The following MARCHF1 variants were observed in gnomAD, a reference collection of about 807,000 sequenced individuals.
MARCHF1 encodes the protein membrane associated ring-CH-type finger 1.
Under a neutral mutation model 54.2 loss-of-function variants are expected in MARCHF1, and 40 were observed. That is an observed-to-expected ratio of 0.74 (90% CI 0.57 to 0.96). The LOEUF is 0.96. MARCHF1 is among the 40% of genes least tolerant of loss of function. The pLI is 0.00. For synonymous variants in MARCHF1, 236 were observed against 236.3 expected (o/e 1.00, Z 0.01); for missense variants, 586 against 656.5 (o/e 0.89, Z 1.17).
chr4:163,545,801 C>T (rs1560933318), intron 8 of MARCHF1, 58 bp from the exon 9 acceptor site: 10 of 1,522,926 alleles, frequency 6.6e-6, no homozygotes, highest in African/African-American at 1.4e-5. Flanking sequence ...TTTTGCTCCT[C>T]TTTTATTTCC....
At chr4:163,879,202 A>T (rs891190764) in intron 3 of MARCHF1, among the ~76,000 whole-genome samples, 2 of 152,124 alleles carry the variant, frequency 1.3e-5, no homozygotes, top group African/African-American at 4.8e-5. Flanking sequence ...GAGATTGCCT[A>T]TTGAGGGGAA....
chr4:164,133,636 T>A (rs924320074), intron 1 of MARCHF1, among the ~76,000 whole-genome samples: 4 of 152,230 alleles, frequency 2.6e-5, no homozygotes, highest in African/African-American at 9.6e-5. Flanking sequence ...TAGTTATTGG[T>A]AACTTTACCA....
At chr4:164,005,231 G>A (rs1753262963) in intron 2 of MARCHF1, among the ~76,000 whole-genome samples, 2 of 152,006 alleles carry the variant, frequency 1.3e-5, no homozygotes, top group African/African-American at 2.4e-5. Context: ...CTTTAAAAAT[G>A]TATATTAAGA....
At chr4:163,847,043 C>A (rs562702828) in intron 4 of MARCHF1, among the ~76,000 whole-genome samples, 46 of 152,064 alleles carry the variant, frequency 3.0e-4, no homozygotes, top group Non-Finnish European at 6.6e-4. Flanking sequence ...TGCTTTCATC[C>A]GTACTATTGA....
At chr4:164,237,105 T>C (rs1732583681) in intron 1 of MARCHF1, among the ~76,000 whole-genome samples, 2 of 152,178 alleles carry the variant, frequency 1.3e-5, no homozygotes, top group Non-Finnish European at 2.9e-5. Flanking sequence ...GACCATGCCA[T>C]GTCTTTAAGT....
chr4:163,905,262 T>C (rs998743048), intron 3 of MARCHF1, among the ~76,000 whole-genome samples: 1 of 152,030 alleles, frequency 6.6e-6, no homozygotes, highest in Non-Finnish European at 1.5e-5. Flanking sequence ...AAGCCTACTA[T>C]AATTTTCAAT....
intron 1 of MARCHF1, among the ~76,000 whole-genome samples, chr4:164,300,533 C>T (rs1001630838): frequency 2.0e-5 from 3 of 152,028 alleles, no homozygotes; most frequent in Non-Finnish European, 4.4e-5. Flanking sequence ...ATGAAATCAA[C>T]AGTAATACTA....
intron 3 of MARCHF1, among the ~76,000 whole-genome samples, chr4:163,866,549 C>A (rs1016849382): frequency 7.0e-6 from 1 of 142,124 alleles, no homozygotes; most frequent in Admixed American, 7.5e-5. Context: ...ATTCAAATAT[C>A]AATTATACAA....
At position 164,352,565 on chromosome 4, in the gene MARCHF1, A is replaced by C. The variant is rs1328351590; in HGVS notation, c.-323+31305T>G. On this transcript the variant is annotated intron_variant, in intron 1 of 9. Transcript: ENST00000514618. ...ACTTTACAGACAAGCAAATGCTGAG[A>C]GATTTTGTCACCACCAGGCCTGCCC... Among the ~76,000 whole-genome samples the C allele has an allele frequency of 4.3e-4, 64 of 147,614 alleles. 1 individual carries two copies. Among genetic ancestry groups the C allele is most frequent in the Non-Finnish European group, 6.0e-4 (40 of 66,482 alleles).
At chr4:164,265,575 CT>C (rs1012342040) in intron 1 of MARCHF1, among the ~76,000 whole-genome samples, 37 of 150,850 alleles carry the variant, frequency 2.5e-4, no homozygotes, top group Admixed American at 5.3e-4. Context: ...CATGCTTTTA[CT>C]TTCTGCTTAT....
At chr4:164,252,511 C>G (rs1733157881) in intron 1 of MARCHF1, among the ~76,000 whole-genome samples, 1 of 152,120 alleles carries the variant, frequency 6.6e-6, no homozygotes, top group African/African-American at 2.4e-5. Context: ...GTGCGTCATG[C>G]TCAGCACCCT....
At chr4:164,055,829 C>T (rs988924911) in intron 2 of MARCHF1, among the ~76,000 whole-genome samples, 1 of 152,076 alleles carries the variant, frequency 6.6e-6, no homozygotes, top group African/African-American at 2.4e-5. Context: ...CCAGGTGTGG[C>T]TCATAAAAAA....
At chr4:164,204,861 T>TA (rs941712929) in intron 1 of MARCHF1, among the ~76,000 whole-genome samples, 3 of 152,230 alleles carry the variant, frequency 2.0e-5, no homozygotes, top group African/African-American at 7.2e-5. Flanking sequence ...ATGGGAGCAT[T>TA]AAATATTTAA....
At chr4:163,876,191 T>C (rs1261077546) in intron 3 of MARCHF1, among the ~76,000 whole-genome samples, 1 of 152,170 alleles carries the variant, frequency 6.6e-6, no homozygotes, top group East Asian at 1.9e-4. Flanking sequence ...TTATTTTCAA[T>C]AGCCAGCTCA....
chr4:163,931,076 A>T (rs1751662527), intron 3 of MARCHF1, among the ~76,000 whole-genome samples: 1 of 152,138 alleles, frequency 6.6e-6, no homozygotes, highest in Admixed American at 6.6e-5. Context: ...AAGAAGAAGA[A>T]AAGAGAAATC....
chr4:163,757,818 A>T (rs984346862), intron 4 of MARCHF1, among the ~76,000 whole-genome samples: 2 of 152,208 alleles, frequency 1.3e-5, no homozygotes, highest in African/African-American at 4.8e-5. Context: ...TCAAGACAAA[A>T]GAATGGTTGA....
At chr4:164,057,700 T>A (rs2111059739) in intron 2 of MARCHF1, among the ~76,000 whole-genome samples, 1 of 152,252 alleles carries the variant, frequency 6.6e-6, no homozygotes, top group African/African-American at 2.4e-5. Context: ...GAATCTGAGA[T>A]CCCTAATGAA....
At chr4:163,612,166 G>T in intron 7 of MARCHF1, 105 bp downstream of exon 7, 1 of 1,000,032 alleles carries the variant, frequency 1.0e-6, no homozygotes, top group Non-Finnish European at 1.4e-6. Flanking sequence ...AAAGAACAAT[G>T]TAAATAAATG....
At chr4:163,772,421 C>T (rs1322480214) in intron 4 of MARCHF1, among the ~76,000 whole-genome samples, 2 of 152,148 alleles carry the variant, frequency 1.3e-5, no homozygotes, top group Non-Finnish European at 2.9e-5. Context: ...GGGTTTCTGC[C>T]TAGGACATGA....
Sources: gnomAD v4.1 joint callset for allele counts (sites outside exome capture counted in the v4.1 genomes callset) on GRCh38, gnomAD v4.1.1 for gene constraint, MANE v1.5 for transcripts, NCBI Gene and HGNC (gene_info 2026-07-23, HGNC 2026-07-21) for gene names.